The following WIPF1 variants were observed in gnomAD, a reference collection of about 807,000 sequenced individuals.
WIPF1 encodes the protein WAS/WASL-interacting protein family member 1.
WIPF1 carries 13 observed loss-of-function variants against 35.4 expected under a neutral mutation model. The ratio of observed to expected loss-of-function variants is 0.37; its 90% CI spans 0.24 to 0.58. WIPF1 has a LOEUF of 0.58. Among genes scored for constraint, WIPF1 ranks in the 20% least tolerant of loss-of-function variants. WIPF1 has a pLI of 0.74. For missense variants in WIPF1, 591 were observed against 667.0 expected (o/e 0.89, Z 1.25); for synonymous variants, 267 against 266.3 (o/e 1.00, Z -0.02).
At chr2:174,661,238 G>C (rs2105974352) in intron 1 of WIPF1, among the ~76,000 whole-genome samples, 1 of 152,336 alleles carries the variant, frequency 6.6e-6, no homozygotes, top group South Asian at 2.1e-4. Flanking sequence ...GGTCAGAGCT[G>C]GGTGGAGATG....
intron 1 of WIPF1, among the ~76,000 whole-genome samples, chr2:174,632,202 C>T (rs765750919): frequency 6.6e-6 from 1 of 152,124 alleles, no homozygotes; most frequent in East Asian, 1.9e-4. Context: ...GATCTGTTAC[C>T]TTCTGCCATT....
rs888056897 is a variant in WIPF1, at chr2:174,622,222, A to C, written c.-38-36611T>G. Among the ~76,000 whole-genome samples, 1 of 152,198 alleles carries C rather than the reference A, an allele frequency of 6.6e-6. No homozygotes were observed. The highest frequency in any genetic ancestry group is 1.5e-5 in the Non-Finnish European group (1 of 68,036). The stretch of plus-strand genomic sequence containing the variant: ...TAAATTTCCTAAGGCTGTTGTTCCT[A>C]AACTTCAAATATTTGCAAACTAACT... On this transcript the variant is annotated intron_variant, in intron 1 of 8. Coordinates refer to the WIPF1 transcript ENST00000272746. The surrounding 1 kb of genome is among the most constrained non-coding windows in gnomAD (Gnocchi z 5.1).
At chr2:174,635,847 G>C in intron 1 of WIPF1, among the ~76,000 whole-genome samples, 1 of 152,108 alleles carries the variant, frequency 6.6e-6, no homozygotes, top group South Asian at 2.1e-4. Context: ...TTTTCCATGG[G>C]AGAATACCGA....
At chr2:174,614,048 T>C (rs536075819) in intron 1 of WIPF1, among the ~76,000 whole-genome samples, 1 of 152,346 alleles carries the variant, frequency 6.6e-6, no homozygotes, top group East Asian at 1.9e-4. Flanking sequence ...CTCTGTATTT[T>C]TGTGTAATTC....
At chr2:174,613,150 A>G (rs1317942286) in intron 1 of WIPF1, among the ~76,000 whole-genome samples, 1 of 150,882 alleles carries the variant, frequency 6.6e-6, no homozygotes, top group Non-Finnish European at 1.5e-5. Context: ...GCAGACGTGT[A>G]AACTTCTAAA....
At chr2:174,584,196 C>T (rs1222568091) in intron 2 of WIPF1, among the ~76,000 whole-genome samples, 1 of 152,164 alleles carries the variant, frequency 6.6e-6, no homozygotes, top group Non-Finnish European at 1.5e-5. Flanking sequence ...AGACACACAA[C>T]ATCCAATCTT....
At chr2:174,567,220 C>T (rs1177958759) in intron 6 of WIPF1, 37 bp from the exon 7 acceptor site, 1 of 1,575,588 alleles carries the variant, frequency 6.3e-7, no homozygotes, top group East Asian at 2.2e-5. Flanking sequence ...CAGTGACAGA[C>T]AATGTGCTAT....
intron 1 of WIPF1, among the ~76,000 whole-genome samples, chr2:174,664,924 C>T (rs111429357): frequency 2.0e-5 from 3 of 152,150 alleles, no homozygotes; most frequent in African/African-American, 2.4e-5. Context: ...TGAGCCACCG[C>T]GCCAGGCCTG....
intron 1 of WIPF1, among the ~76,000 whole-genome samples, chr2:174,680,460 C>A (rs928522185): frequency 6.6e-6 from 1 of 152,210 alleles, no homozygotes; most frequent in African/African-American, 2.4e-5. Flanking sequence ...GGAGGGAAGG[C>A]TTCAGGAAGA....
chr2:174,612,073 T>C (rs1347934764), intron 1 of WIPF1, among the ~76,000 whole-genome samples: 1 of 152,116 alleles, frequency 6.6e-6, no homozygotes, highest in East Asian at 1.9e-4. Flanking sequence ...AAATTTTTTA[T>C]TTTTGTAGAG....
chr2:174,638,798 C>T lies in WIPF1; in HGVS notation c.-39+43976G>A, dbSNP rs78043138. ...CCACGTTTTATTTGTTGGACATTTA[C>T]GCAGATTCCCACATCTTGGCTATTG... is the stretch of plus-strand genomic sequence containing the variant. On this transcript the variant is annotated intron_variant, in intron 1 of 8. Transcript: ENST00000272746. Among the ~76,000 whole-genome samples, 1,219 of 152,240 alleles carry T rather than the reference C, an allele frequency of 8.0e-3. 18 individuals are homozygous for T. Among genetic ancestry groups the T allele is most frequent in the African/African-American group, 0.028 (1,163 of 41,508 alleles).
upstream of WIPF1, chr2:174,597,853 C>T (rs1205654799): frequency 6.6e-6 from 1 of 152,528 alleles, no homozygotes; most frequent in Non-Finnish European, 1.5e-5. Flanking sequence ...GTTCCTTCCT[C>T]CTTTGCTGCA....
At chr2:174,589,787 T>TTA (rs1453301955) in intron 1 of WIPF1, among the ~76,000 whole-genome samples, 2 of 152,254 alleles carry the variant, frequency 1.3e-5, no homozygotes. Flanking sequence ...ACCAACAATT[T>TTA]TCAACATGCT....
intron 7 of WIPF1, chr2:174,566,212 T>A (rs1375956815): frequency 1.3e-5 from 2 of 152,142 alleles, no homozygotes; most frequent in Non-Finnish European, 2.9e-5. Context: ...TAAAAGTAAA[T>A]TTCAGAGGCT....
At chr2:174,664,137 TCA>T (rs148539035) in intron 1 of WIPF1, among the ~76,000 whole-genome samples, 10,248 of 151,138 alleles carry the variant, frequency 0.068, 1,117 homozygotes, top group African/African-American at 0.23. Flanking sequence ...TCCCTCTCTC[TCA>T]CACACACACA....
chr2:174,642,200 T>C (rs563425276), intron 1 of WIPF1, among the ~76,000 whole-genome samples: 2 of 152,242 alleles, frequency 1.3e-5, no homozygotes, highest in Non-Finnish European at 2.9e-5. Flanking sequence ...CATTCCCTTA[T>C]CTCAGCTTTC....
chr2:174,619,009 G>A (rs1686597685), intron 1 of WIPF1, among the ~76,000 whole-genome samples: 1 of 152,060 alleles, frequency 6.6e-6, no homozygotes, highest in Admixed American at 6.6e-5. Context: ...CACACAGGCT[G>A]GCAGACAGTG....
At chr2:174,674,903 TACACACAC>T (rs35062209) in intron 1 of WIPF1, among the ~76,000 whole-genome samples, 1,498 of 134,002 alleles carry the variant, frequency 0.011, 29 homozygotes, top group African/African-American at 0.039. Flanking sequence ...CAGGTTCAAA[TACACACAC>T]ACACACACAC....
At chr2:174,676,462 C>G (rs564877354) in intron 1 of WIPF1, 1 of 151,744 alleles carries the variant, frequency 6.6e-6, no homozygotes, top group South Asian at 2.1e-4. Context: ...TGCACCACGA[C>G]GTCCAGCTAA....
Sources: allele counts gnomAD v4.1 joint callset (sites outside exome capture counted in the v4.1 genomes callset), GRCh38; gene constraint gnomAD v4.1.1; non-coding constraint Gnocchi (gnomAD v3.1); transcripts MANE v1.5; gene names NCBI Gene and HGNC (gene_info 2026-07-23, HGNC 2026-07-21).